The following ZMYM2 variants were observed in gnomAD, a reference collection of about 807,000 sequenced individuals.
ZMYM2 encodes zinc finger MYM-type containing 2.
ZMYM2 carries 56 observed loss-of-function variants against 162.8 expected under a neutral mutation model. The ratio of observed to expected loss-of-function variants is 0.34; its 90% CI spans 0.28 to 0.43. The LOEUF (loss-of-function observed/expected upper bound fraction) is 0.43. ZMYM2 is among the 20% of genes least tolerant of loss of function. The probability of loss-of-function intolerance (pLI) is 1.00; values close to 1 mark genes in which losing one functional copy is unlikely to be tolerated. For missense variants in ZMYM2, 1,275 were observed against 1,621.8 expected (o/e 0.79, Z 3.67); for synonymous variants, 510 against 541.6 (o/e 0.94, Z 0.81).
chr13:20,088,619 T>G lies in ZMYM2; in HGVS notation c.*2605T>G, dbSNP rs1958399004. The G allele has an allele frequency of 5.1e-6, 1 of 195,268 alleles. No individual in the cohort carries two copies. Among genetic ancestry groups the G allele is most frequent in the African/African-American group, 2.3e-5 (1 of 43,242 alleles). 12.1% of individuals were successfully genotyped at this position (195,268 alleles called of 1,614,324 possible). A position where few individuals can be genotyped will look rare whatever the true frequency, so the allele number is the denominator to read the frequency against. On this transcript the variant is annotated 3_prime_UTR_variant, in exon 25 of 25. Transcript: ENST00000610343. The stretch of plus-strand genomic sequence containing the variant: ...TAAAGGATTTTTCTAGGCAAGAAGC[T>G]CAACTTTTTTTTTCCATAAAAATAA...
chr13:20,078,114 T>C (rs259780), intron 21 of ZMYM2, among the ~76,000 whole-genome samples: 150,125 of 152,214 alleles, frequency 0.99, 74,058 homozygotes, highest in Middle Eastern at 1. Flanking sequence ...CCACTGCACC[T>C]GGCCAGTTTT....
chr13:19,919,263 T>C, the ZMYM2 span, among the ~76,000 whole-genome samples: 1 of 152,214 alleles, frequency 6.6e-6, no homozygotes, highest in Admixed American at 6.6e-5. Flanking sequence ...GAAAATTTTT[T>C]TGTTTCCAGC....
At chr13:20,012,943 A>T (rs891524280) in intron 6 of ZMYM2, among the ~76,000 whole-genome samples, 2 of 152,204 alleles carry the variant, frequency 1.3e-5, no homozygotes, top group Non-Finnish European at 1.5e-5. Context: ...TTCTGGACCC[A>T]TTCTAATTTT....
At chr13:20,039,271 C>G (rs954023679) in intron 12 of ZMYM2, among the ~76,000 whole-genome samples, 3 of 152,206 alleles carry the variant, frequency 2.0e-5, no homozygotes, top group East Asian at 3.9e-4. Context: ...ATTTCTTTCT[C>G]TTTCGTGATT....
intron 6 of ZMYM2, among the ~76,000 whole-genome samples, chr13:20,010,257 A>G (rs1951065001): frequency 1.3e-5 from 2 of 152,178 alleles, no homozygotes; most frequent in African/African-American, 4.8e-5. Flanking sequence ...GTGCAGGTGC[A>G]CAATCTTGGC....
intron 9 of ZMYM2, among the ~76,000 whole-genome samples, chr13:20,029,675 A>G (rs1037459471): frequency 3.3e-5 from 5 of 152,202 alleles, no homozygotes; most frequent in Admixed American, 1.3e-4. Flanking sequence ...TTAAGATTAT[A>G]TGTAATATAT....
chr13:20,050,468 TA>T (rs1487387008), intron 12 of ZMYM2, among the ~76,000 whole-genome samples: 3 of 151,370 alleles, frequency 2.0e-5, no homozygotes, highest in Admixed American at 1.3e-4. Context: ...GTTATTACTT[TA>T]TCAGAATTTC....
intron 2 of ZMYM2, 37 bp downstream of exon 2, chr13:19,960,063 A>G (rs941729701): frequency 2.0e-5 from 3 of 152,296 alleles, no homozygotes; most frequent in African/African-American, 7.2e-5. Context: ...CTAATAGAGG[A>G]CATTGTCAGG....
intron 13 of ZMYM2, among the ~76,000 whole-genome samples, chr13:20,051,841 A>G (rs1156385710): frequency 6.6e-6 from 1 of 152,180 alleles, no homozygotes; most frequent in Non-Finnish European, 1.5e-5. Context: ...AGTGAGGAGA[A>G]GCTAAACAGT....
At chr13:19,968,075 G>T (rs1399997239) in intron 2 of ZMYM2, among the ~76,000 whole-genome samples, 3 of 152,114 alleles carry the variant, frequency 2.0e-5, no homozygotes, top group Non-Finnish European at 4.4e-5. Context: ...TCCACTGTCT[G>T]ATCTGCACTG....
At chr13:19,948,281 C>T in the ZMYM2 span, among the ~76,000 whole-genome samples, 1 of 152,210 alleles carries the variant, frequency 6.6e-6, no homozygotes, top group African/African-American at 2.4e-5. Context: ...GTTATGTCCA[C>T]ACAAAACCCT....
chr13:19,904,171 G>T, the ZMYM2 span, among the ~76,000 whole-genome samples: 2 of 143,944 alleles, frequency 1.4e-5, no homozygotes, highest in Non-Finnish European at 3.0e-5. Context: ...TCTCAGAGGT[G>T]GATTTATGTA....
At chr13:19,940,876 T>C in the ZMYM2 span, among the ~76,000 whole-genome samples, 1 of 152,232 alleles carries the variant, frequency 6.6e-6, no homozygotes, top group Non-Finnish European at 1.5e-5. Flanking sequence ...TGTACACCTA[T>C]AGTTATGCCA....
chr13:19,927,519 A>G, the ZMYM2 span, among the ~76,000 whole-genome samples: 1 of 152,218 alleles, frequency 6.6e-6, no homozygotes, highest in African/African-American at 2.4e-5. Context: ...TGTTGTGTGA[A>G]TATACCACAA....
chr13:19,949,486 G>A, the ZMYM2 span, among the ~76,000 whole-genome samples: 3 of 152,042 alleles, frequency 2.0e-5, no homozygotes, highest in Admixed American at 1.3e-4. Flanking sequence ...CCTAGCAGTC[G>A]GGAAGCTGAG....
At chr13:19,918,838 G>A in the ZMYM2 span, among the ~76,000 whole-genome samples, 1 of 152,064 alleles carries the variant, frequency 6.6e-6, no homozygotes, top group African/African-American at 2.4e-5. Flanking sequence ...AACTAAAGGA[G>A]GCATTTTTTT....
At chr13:19,931,508 A>G in the ZMYM2 span, among the ~76,000 whole-genome samples, 1 of 152,142 alleles carries the variant, frequency 6.6e-6, no homozygotes, top group African/African-American at 2.4e-5. Flanking sequence ...GGCAACCACG[A>G]TCCTTTTACT....
intron 18 of ZMYM2, 102 bp downstream of exon 18, chr13:20,063,073 A>G: frequency 9.3e-6 from 12 of 1,287,584 alleles, no homozygotes; most frequent in Non-Finnish European, 1.1e-5. Context: ...AGCAGTGTTC[A>G]TATTTTTTAT....
chr13:20,006,521 G>T lies in ZMYM2; in HGVS notation c.1447G>T (p.Val483Phe). 6.2e-7 allele frequency: 1 copy of T among 1,613,856 alleles called. No homozygotes were observed. Among genetic ancestry groups the T allele is most frequent in the Non-Finnish European group, 8.5e-7 (1 of 1,179,832 alleles). ...GCCCAGTAAAGGTGCTGGAAATAAT[G>T]TTCTGGTGATTGATGGTCAACAGAA... ...YLPSKGAGNN[V>F]LVIDGQQKRF... The change falls in exon 6 of 25, where the codon GTT becomes TTT. Residue 483 changes from valine (V) to phenylalanine (F), a missense_variant. Transcript: ENST00000610343.
Sources: allele counts gnomAD v4.1 joint callset (sites outside exome capture counted in the v4.1 genomes callset), GRCh38; gene constraint gnomAD v4.1.1; transcripts MANE v1.5; gene names NCBI Gene and HGNC (gene_info 2026-07-23, HGNC 2026-07-21).